Variants in KLHL7 observed in about 807,000 individuals in gnomAD.
KLHL7 encodes the protein kelch like family member 7, also known as kelch-like protein 7.
A neutral mutation model predicts 67.4 loss-of-function variants in KLHL7; 44 were observed. The ratio of observed to expected loss-of-function variants is 0.65; its 90% CI spans 0.51 to 0.84. KLHL7 has a LOEUF of 0.84. KLHL7 is among the 40% of genes least tolerant of loss of function. The pLI is 0.00. For synonymous variants in KLHL7, 252 were observed against 243.3 expected (o/e 1.04, Z -0.33); for missense variants, 362 against 718.1 (o/e 0.50, Z 5.67).
chr7:23,127,973 G>T (rs1336863553), intron 4 of KLHL7, among the ~76,000 whole-genome samples: 1 of 150,266 alleles, frequency 6.7e-6, no homozygotes, highest in Non-Finnish European at 1.5e-5. Context: ...GAAATAGAAG[G>T]GAACAAATTA....
At chr7:23,148,252 T>C (rs1784420131) in intron 6 of KLHL7, among the ~76,000 whole-genome samples, 2 of 152,188 alleles carry the variant, frequency 1.3e-5, no homozygotes, top group Non-Finnish European at 2.9e-5. Flanking sequence ...GCCAAATGCA[T>C]ATTTTTTTTA....
chr7:23,148,408 AAACAGCAGCCC>A (rs1784426608), intron 6 of KLHL7, among the ~76,000 whole-genome samples: 3 of 115,152 alleles, frequency 2.6e-5, no homozygotes, highest in African/African-American at 1.5e-4. Flanking sequence ...AAAAAAAAAA[AAACAGCAGCCC>A]CAAAGCTACT....
In KLHL7 at chr7:23,117,081, C is replaced by CTTTTTTTTTTTTTT. The variant is rs34692665; in HGVS notation, c.121-6685_121-6672dup. On this transcript the variant is annotated intron_variant, in intron 1 of 10. Coordinates refer to ENST00000339077, the MANE Select transcript of KLHL7 (RefSeq NM_001031710.3). ...TCATAAAATTTTCCTAGAGCCAGGCCTTTTTTTTTTTTTTTTTTTTTTTTG... is the reference window on the plus strand; with the variant it reads ...TCATAAAATTTTCCTAGAGCCAGGCCTTTTTTTTTTTTTTTTTTTTTTTTTTTTTTTTTTTTTTG... 1.6e-3 allele frequency among the ~76,000 whole-genome samples: 110 copies of CTTTTTTTTTTTTTT among 68,220 alleles called. 17 individuals carry two copies. Among genetic ancestry groups the CTTTTTTTTTTTTTT allele is most frequent in the Non-Finnish European group, 2.4e-3 (87 of 36,220 alleles). The allele number at this position is 68,220 out of a possible 152,430, so 44.8% of individuals were successfully genotyped here.
intron 7 of KLHL7, among the ~76,000 whole-genome samples, chr7:23,162,916 C>T (rs1784890853): frequency 2.0e-5 from 3 of 152,160 alleles, no homozygotes; most frequent in Admixed American, 2.0e-4. Flanking sequence ...ACCCTGCCTT[C>T]CCTAATTCGG....
intron 5 of KLHL7, among the ~76,000 whole-genome samples, chr7:23,143,461 G>A (rs546867632): frequency 6.6e-6 from 1 of 152,214 alleles, no homozygotes; most frequent in African/African-American, 2.4e-5. Context: ...GGAATGGACG[G>A]CCTCTTGAGA....
intron 7 of KLHL7, among the ~76,000 whole-genome samples, chr7:23,153,859 G>T (rs892200697): frequency 2.0e-5 from 3 of 152,206 alleles, no homozygotes; most frequent in African/African-American, 7.2e-5. Context: ...TCTCTAATAT[G>T]TAGGAGGTGC....
intron 1 of KLHL7, chr7:23,118,065 G>A (rs1404181024): frequency 5.6e-6 from 8 of 1,417,320 alleles, no homozygotes; most frequent in Non-Finnish European, 7.8e-6. Context: ...GTGATTAAAA[G>A]CTAATCCTCA....
At chr7:23,149,827 T>C (rs1784475701) in intron 6 of KLHL7, among the ~76,000 whole-genome samples, 3 of 152,228 alleles carry the variant, frequency 2.0e-5, no homozygotes, top group Admixed American at 2.0e-4. Flanking sequence ...CTCTGAAATA[T>C]CCAGCTGTTT....
intron 7 of KLHL7, among the ~76,000 whole-genome samples, chr7:23,157,772 C>G (rs1430626735): frequency 6.6e-6 from 1 of 152,090 alleles, no homozygotes; most frequent in Non-Finnish European, 1.5e-5. Flanking sequence ...CCAAGAAACC[C>G]CCAGTGAAAA....
At chr7:23,119,150 C>T (rs1480937030) in intron 1 of KLHL7, among the ~76,000 whole-genome samples, 1 of 152,158 alleles carries the variant, frequency 6.6e-6, no homozygotes, top group Non-Finnish European at 1.5e-5. Context: ...CACAGTTACC[C>T]CTATCATTAA....
At chr7:23,136,523 CAGAATGTTT>C (rs1783981510) in intron 4 of KLHL7, among the ~76,000 whole-genome samples, 5 of 152,146 alleles carry the variant, frequency 3.3e-5, no homozygotes, top group African/African-American at 4.8e-5. Context: ...CTAGATAACA[CAGAATGTTT>C]TACCTAGTCA....
intron 1 of KLHL7, among the ~76,000 whole-genome samples, chr7:23,113,482 C>T (rs1422370863): frequency 1.3e-5 from 2 of 152,170 alleles, no homozygotes; most frequent in Non-Finnish European, 2.9e-5. Context: ...AGCAGAAAGA[C>T]TAATTGCTGA....
At chr7:23,142,268 C>CT (rs1278240007) in intron 5 of KLHL7, among the ~76,000 whole-genome samples, 1 of 152,140 alleles carries the variant, frequency 6.6e-6, no homozygotes, top group Non-Finnish European at 1.5e-5. Context: ...TTTTAAGCCA[C>CT]TAAGTTTGTG....
At chr7:23,111,315 A>G (rs1052201635) in intron 1 of KLHL7, among the ~76,000 whole-genome samples, 1 of 152,170 alleles carries the variant, frequency 6.6e-6, no homozygotes, top group African/African-American at 2.4e-5. Flanking sequence ...ATAGAATGGC[A>G]AGTTCGAGAC....
At chr7:23,115,117 T>C (rs552674265) in intron 1 of KLHL7, among the ~76,000 whole-genome samples, 8 of 152,316 alleles carry the variant, frequency 5.3e-5, no homozygotes, top group African/African-American at 1.2e-4. Context: ...CTGGCTTCCA[T>C]TGGAATGGAT....
At chr7:23,171,335 T>G (rs1463379142) in intron 9 of KLHL7, 1 of 160,068 alleles carries the variant, frequency 6.2e-6, no homozygotes, top group African/African-American at 2.4e-5. Context: ...ATGCTGTCTT[T>G]TTATATCATT....
intron 7 of KLHL7, among the ~76,000 whole-genome samples, chr7:23,160,893 A>G (rs1784837876): frequency 6.6e-6 from 1 of 152,202 alleles, no homozygotes. Flanking sequence ...AGAACGTGCT[A>G]TTTGGAAGGA....
At chr7:23,166,229 ATAT>A (rs1456913206) in intron 8 of KLHL7, among the ~76,000 whole-genome samples, 2 of 152,124 alleles carry the variant, frequency 1.3e-5, no homozygotes, top group African/African-American at 4.8e-5. Flanking sequence ...GGGCTGCATA[ATAT>A]TATTTGTTTT....
At chr7:23,146,428 G>A (rs1052382325) in intron 6 of KLHL7, among the ~76,000 whole-genome samples, 4 of 152,136 alleles carry the variant, frequency 2.6e-5, no homozygotes, top group Non-Finnish European at 1.5e-5. Context: ...CGGAGTTTGT[G>A]TTTGTTTCTT....
Sources: allele counts gnomAD v4.1 joint callset (sites outside exome capture counted in the v4.1 genomes callset), GRCh38; gene constraint gnomAD v4.1.1; transcripts MANE v1.5; gene names NCBI Gene and HGNC (gene_info 2026-07-23, HGNC 2026-07-21).